The following DIP2C variants were observed in gnomAD, a reference collection of about 807,000 sequenced individuals.
DIP2C encodes DIP2 acetate--CoA ligase C (putative), also known as disco-interacting protein 2 homolog C.
In DIP2C, 33 loss-of-function variants were observed where a neutral mutation model predicts 192.4. The observed-to-expected ratio is 0.17, with a 90% CI of 0.13 to 0.23. The LOEUF (loss-of-function observed/expected upper bound fraction) is 0.23. DIP2C is among the 10% of genes least tolerant of loss of function. The pLI is 1.00. For missense variants in DIP2C, 1,537 were observed against 2,110.1 expected (o/e 0.73, Z 5.32); for synonymous variants, 979 against 864.1 (o/e 1.13, Z -2.33).
chr10:660,549 T>C (rs1485620239), intron 1 of DIP2C, among the ~76,000 whole-genome samples: 1 of 152,234 alleles, frequency 6.6e-6, no homozygotes, highest in Non-Finnish European at 1.5e-5. Context: ...TTCATGATGT[T>C]GCAGTGAAGG....
intron 1 of DIP2C, among the ~76,000 whole-genome samples, chr10:571,406 G>T (rs969940578): frequency 1.3e-5 from 2 of 152,110 alleles, no homozygotes; most frequent in African/African-American, 4.8e-5. Flanking sequence ...GTCGGGAACC[G>T]GCTCCGGGGC....
At chr10:410,308 T>C (rs151249935) in intron 8 of DIP2C, among the ~76,000 whole-genome samples, 70 of 152,352 alleles carry the variant, frequency 4.6e-4, no homozygotes, top group Non-Finnish European at 9.0e-4. Flanking sequence ...CAAGCTGTAA[T>C]AAAATACAAA....
At chr10:539,537 C>A (rs1451184410) in intron 1 of DIP2C, among the ~76,000 whole-genome samples, 1 of 152,150 alleles carries the variant, frequency 6.6e-6, no homozygotes, top group African/African-American at 2.4e-5. Context: ...GTCCTGCAAC[C>A]CACCCCCATG....
At chr10:519,180 C>T (rs973762181) in intron 1 of DIP2C, among the ~76,000 whole-genome samples, 3 of 152,206 alleles carry the variant, frequency 2.0e-5, no homozygotes, top group African/African-American at 4.8e-5. Flanking sequence ...CTGGCACCAA[C>T]GATCTCCTGG....
intron 1 of DIP2C, among the ~76,000 whole-genome samples, chr10:593,932 A>G (rs1296247117): frequency 6.6e-6 from 1 of 152,206 alleles, no homozygotes; most frequent in Non-Finnish European, 1.5e-5. Context: ...TCTGAATTTC[A>G]GAGCTCTGTG....
At chr10:488,408 T>C (rs551464569) in intron 1 of DIP2C, among the ~76,000 whole-genome samples, 1 of 152,190 alleles carries the variant, frequency 6.6e-6, no homozygotes, top group Admixed American at 6.5e-5. Context: ...TAAGAACTTA[T>C]TTTACAGATG....
intron 29 of DIP2C, chr10:340,534 T>C (rs1479420923): frequency 2.9e-6 from 1 of 349,904 alleles, no homozygotes; most frequent in Admixed American, 3.9e-5. Flanking sequence ...GGGTATTTAT[T>C]GGTAACACTC....
intron 29 of DIP2C, among the ~76,000 whole-genome samples, chr10:330,430 T>C (rs981813347): frequency 6.6e-6 from 1 of 152,222 alleles, no homozygotes; most frequent in African/African-American, 2.4e-5. Context: ...TTTAATTTTG[T>C]TTACTACTAT....
At chr10:593,316 C>A (rs1851509678) in intron 1 of DIP2C, among the ~76,000 whole-genome samples, 1 of 152,130 alleles carries the variant, frequency 6.6e-6, no homozygotes, top group African/African-American at 2.4e-5. Flanking sequence ...CCAGTGTAAC[C>A]CTAAGTCCAC....
intron 1 of DIP2C, among the ~76,000 whole-genome samples, chr10:616,254 A>G (rs945744385): frequency 3.3e-5 from 5 of 152,228 alleles, no homozygotes; most frequent in Admixed American, 3.3e-4. Context: ...CAAAATTTAA[A>G]GCTAATTTAG....
intron 18 of DIP2C, among the ~76,000 whole-genome samples, chr10:367,213 C>T (rs78003976): frequency 6.6e-6 from 1 of 152,104 alleles, no homozygotes; most frequent in Non-Finnish European, 1.5e-5. Flanking sequence ...GTCAGGAGAT[C>T]GAGACCATCC....
intron 17 of DIP2C, among the ~76,000 whole-genome samples, chr10:378,243 G>GT (rs1476046364): frequency 1.1e-4 from 17 of 152,210 alleles, no homozygotes; most frequent in Non-Finnish European, 5.9e-5. Context: ...AAATGCCTAG[G>GT]TGAAAATACA....
Position 275,901 on chromosome 10 carries a change from GCTCA to G in DIP2C, c.*1420_*1423del, listed in dbSNP as rs917635972. On this transcript the variant is annotated 3_prime_UTR_variant, in exon 37 of 37. Coordinates refer to ENST00000280886, the MANE Select transcript of DIP2C (RefSeq NM_014974.3). ...CTGGCATGAACCCCCGGGGAACTGT[GCTCA>G]CTGAGCGAGGGAGCCCCAGAGGCTC... 1.3e-5 allele frequency: 2 copies of G among 152,206 alleles called. No individual in the cohort carries two copies. The highest frequency in any genetic ancestry group is 2.9e-5 in the Non-Finnish European group (2 of 68,052). The allele number at this position is 152,206 out of a possible 1,614,324, so 9.4% of individuals were successfully genotyped here.
rs61837241 is a variant in DIP2C at position 445,219 on chromosome 10, A to T, written c.269-4223T>A. ...GTGAAGAGTCTATCTTGCACTGGGC[A>T]TCTGTATACAACTGTTGTGAAGAGT... On this transcript the variant is annotated intron_variant, in intron 3 of 36. Transcript: ENST00000280886. 4.4e-3 allele frequency among the ~76,000 whole-genome samples: 664 copies of T among 151,568 alleles called. 2 individuals are homozygous for T. Among genetic ancestry groups the T allele is most frequent in the Non-Finnish European group, 7.2e-3 (487 of 67,698 alleles).
At chr10:683,844 A>G (rs896498965) in intron 1 of DIP2C, among the ~76,000 whole-genome samples, 2 of 152,234 alleles carry the variant, frequency 1.3e-5, no homozygotes, top group Non-Finnish European at 2.9e-5. Context: ...CAGTTCTAAA[A>G]AAAGAGACGA....
rs557255878 is a variant in DIP2C at position 424,355 on chromosome 10, G to GTTTTTTTTTTTTTTTTTTTTTT, written c.395-1344_395-1323dup. ...GCCTGAAAATTCTCTATCACCTTGG[G>GTTTTTTTTTTTTTTTTTTTTTT]TTTTTTTTTTTTTTTTTTTTTTTTT... On this transcript the variant is annotated intron_variant, in intron 4 of 36. Coordinates refer to ENST00000280886, the MANE Select transcript of DIP2C (RefSeq NM_014974.3). 3.6e-5 allele frequency among the ~76,000 whole-genome samples: 3 copies of GTTTTTTTTTTTTTTTTTTTTTT among 83,106 alleles called. 1 individual carries two copies. The highest frequency in any genetic ancestry group is 1.4e-4 in the African/African-American group (3 of 22,114). 54.5% of individuals were successfully genotyped at this position (83,106 alleles called of 152,430 possible).
In DIP2C at chr10:327,054, G is replaced by A. The variant is rs41288735; in HGVS notation, c.3876C>T (p.Ala1292=). Reference sequence around the variant, plus strand: ...CCCTGCAACCGAACGAGGTGCTGACGGCCCGCGGGTGAAGGCCCAGGTCCT... The same window carrying A: ...CCCTGCAACCGAACGAGGTGCTGACAGCCCGCGGGTGAAGGCCCAGGTCCT... ...LFKDLGLHPR[A]VSTSFGCRVN... The change falls in exon 31 of 37, where the codon GCC becomes GCT. Residue 1292 remains alanine (A), a synonymous_variant. Coordinates refer to ENST00000280886, the MANE Select transcript of DIP2C (RefSeq NM_014974.3). The A allele has an allele frequency of 3.5e-4, 558 of 1,614,156 alleles. 1 individual carries two copies. The highest frequency in any genetic ancestry group is 8.9e-4 in the South Asian group (81 of 91,080).
chr10:579,569 A>C (rs1389156476), intron 1 of DIP2C, among the ~76,000 whole-genome samples: 1 of 151,914 alleles, frequency 6.6e-6, no homozygotes, highest in Non-Finnish European at 1.5e-5. Context: ...GTACACTATA[A>C]CACATGCGTA....
chr10:406,547 C>CTA (rs1264738918), intron 9 of DIP2C, among the ~76,000 whole-genome samples: 2 of 152,212 alleles, frequency 1.3e-5, no homozygotes, highest in Admixed American at 6.5e-5. Flanking sequence ...CATCTTGCTT[C>CTA]TAACCTTTAA....
Sources: allele counts gnomAD v4.1 joint callset (sites outside exome capture counted in the v4.1 genomes callset), GRCh38; gene constraint gnomAD v4.1.1; transcripts MANE v1.5; gene names NCBI Gene and HGNC (gene_info 2026-07-23, HGNC 2026-07-21).